The following CNTN1 variants were observed in gnomAD, a reference collection of about 807,000 sequenced individuals.
CNTN1 encodes contactin 1, also known as contactin-1.
In CNTN1, 38 loss-of-function variants were observed where a neutral mutation model predicts 126.4. That is an observed-to-expected ratio of 0.30 (90% CI 0.23 to 0.39). The LOEUF (loss-of-function observed/expected upper bound fraction) is 0.39, where lower values mean the gene tolerates loss of function less well. Ranked by LOEUF, CNTN1 falls within the 10% of genes least tolerant of loss-of-function variation. The probability of loss-of-function intolerance (pLI) is 1.00; values close to 1 mark genes in which losing one functional copy is unlikely to be tolerated. For synonymous variants in CNTN1, 413 were observed against 422.6 expected, an observed-to-expected ratio of 0.98 and a Z score of 0.28; for missense variants, 1,009 against 1,248.4, an observed-to-expected ratio of 0.81 and a Z score of 2.89.
Position 40,976,824 on chromosome 12 carries a change from C to T in CNTN1, c.1805-4085C>T, listed in dbSNP as rs529635226. On this transcript the variant is annotated intron_variant, in intron 15 of 23. Transcript: ENST00000551295. ...AAGTCCGACCGTCCACGTTTGTCTCCGTGCTCTATTTTTTGCCACAAACTG... is the reference window on the plus strand; with the variant it reads ...AAGTCCGACCGTCCACGTTTGTCTCTGTGCTCTATTTTTTGCCACAAACTG... Among the ~76,000 whole-genome samples, 336 of 152,208 alleles carry T rather than the reference C, an allele frequency of 2.2e-3. 1 individual carries two copies. Among genetic ancestry groups the T allele is most frequent in the African/African-American group, 6.1e-3 (255 of 41,528 alleles).
At chr12:40,782,708 G>A (rs528327723) in intron 1 of CNTN1, among the ~76,000 whole-genome samples, 1 of 151,862 alleles carries the variant, frequency 6.6e-6, no homozygotes, top group South Asian at 2.1e-4. Flanking sequence ...GATTTTTCCA[G>A]CTTCATAACT....
chr12:41,064,575 T>C (rs898680215), intron 23 of CNTN1, among the ~76,000 whole-genome samples: 1 of 152,214 alleles, frequency 6.6e-6, no homozygotes, highest in Non-Finnish European at 1.5e-5. Context: ...CAAACCGTGA[T>C]AAGCAGAGTC....
At chr12:40,966,047 T>C (rs1166290066) in intron 15 of CNTN1, among the ~76,000 whole-genome samples, 2 of 135,724 alleles carry the variant, frequency 1.5e-5, no homozygotes, top group African/African-American at 2.8e-5. Flanking sequence ...CACGCACGCA[T>C]TGGAAGAGAT....
chr12:40,764,890 G>A (rs1264277199), intron 1 of CNTN1, among the ~76,000 whole-genome samples: 1 of 152,078 alleles, frequency 6.6e-6, no homozygotes, highest in Admixed American at 6.5e-5. Context: ...AACATTTGGG[G>A]ATTTTCTAGT....
chr12:40,976,696 A>G (rs1947684433), intron 15 of CNTN1, among the ~76,000 whole-genome samples: 1 of 152,012 alleles, frequency 6.6e-6, no homozygotes, highest in African/African-American at 2.4e-5. Context: ...CTACCTCAAC[A>G]CTTTTCTGTC....
At chr12:41,023,518 GC>G (rs1382039425) in intron 20 of CNTN1, among the ~76,000 whole-genome samples, 1 of 152,190 alleles carries the variant, frequency 6.6e-6, no homozygotes, top group East Asian at 1.9e-4. Context: ...TTGGGCTCTT[GC>G]CCAGGAATCC....
At chr12:41,041,809 C>A (rs1203997198) in intron 23 of CNTN1, among the ~76,000 whole-genome samples, 1 of 151,870 alleles carries the variant, frequency 6.6e-6, no homozygotes. Context: ...TCTCTCTTTT[C>A]TTCTTTATTT....
At chr12:40,866,264 T>C (rs1197283550) in intron 1 of CNTN1, among the ~76,000 whole-genome samples, 1 of 152,096 alleles carries the variant, frequency 6.6e-6, no homozygotes, top group Non-Finnish European at 1.5e-5. Flanking sequence ...CCAATAAAAA[T>C]AGTTTTATTC....
chr12:40,972,248 G>A (rs1947537962), intron 15 of CNTN1: 1 of 985,030 alleles, frequency 1.0e-6, no homozygotes. Flanking sequence ...TCGTTTGGGT[G>A]GAAGGTTGTG....
At chr12:40,755,788 G>C (rs1938588570) in intron 1 of CNTN1, among the ~76,000 whole-genome samples, 1 of 151,998 alleles carries the variant, frequency 6.6e-6, no homozygotes, top group African/African-American at 2.4e-5. Context: ...TAAGGGGGAA[G>C]TTTTGATCTT....
chr12:40,784,087 C>G (rs931677814), intron 1 of CNTN1, among the ~76,000 whole-genome samples: 8 of 152,162 alleles, frequency 5.3e-5, no homozygotes, highest in Non-Finnish European at 7.4e-5. Context: ...TACAGAAGCC[C>G]AAAGGGTGCT....
At chr12:40,785,819 C>G (rs1303097692) in intron 1 of CNTN1, among the ~76,000 whole-genome samples, 1 of 152,102 alleles carries the variant, frequency 6.6e-6, no homozygotes, top group South Asian at 2.1e-4. Context: ...GTAGGATACT[C>G]TTTTAAACAA....
chr12:41,000,263 G>A (rs1160994668), intron 17 of CNTN1, among the ~76,000 whole-genome samples: 2 of 152,098 alleles, frequency 1.3e-5, no homozygotes, highest in African/African-American at 4.8e-5. Flanking sequence ...GGCAATATTT[G>A]ATTCAACAAA....
chr12:40,756,872 G>A (rs1022325898), intron 1 of CNTN1, among the ~76,000 whole-genome samples: 2 of 152,078 alleles, frequency 1.3e-5, no homozygotes, highest in Non-Finnish European at 2.9e-5. Flanking sequence ...CTCCTTCTTA[G>A]GGGATATATT....
At chr12:41,030,852 G>T (rs976482185) in intron 23 of CNTN1, among the ~76,000 whole-genome samples, 3 of 152,086 alleles carry the variant, frequency 2.0e-5, no homozygotes, top group Non-Finnish European at 4.4e-5. Context: ...GGGGAAAATA[G>T]AATTTTCTTA....
chr12:40,844,163 G>A (rs1942407489), intron 1 of CNTN1, among the ~76,000 whole-genome samples: 2 of 146,766 alleles, frequency 1.4e-5, no homozygotes, highest in South Asian at 2.2e-4. Flanking sequence ...CGCCTCCAGG[G>A]TTCAAGCGAT....
At chr12:40,943,813 G>A (rs553058311) in intron 13 of CNTN1, 89 bp downstream of exon 13, 2 of 1,519,048 alleles carry the variant, frequency 1.3e-6, no homozygotes, top group East Asian at 2.3e-5. Flanking sequence ...GTATTTGTAA[G>A]TTTCTTTTTC....
chr12:40,871,417 A>T (rs1302533240), intron 1 of CNTN1, among the ~76,000 whole-genome samples: 2 of 152,140 alleles, frequency 1.3e-5, no homozygotes, highest in East Asian at 3.9e-4. Flanking sequence ...TATAGAGAGT[A>T]GACTACAGGG....
intron 19 of CNTN1, among the ~76,000 whole-genome samples, chr12:41,018,642 A>G (rs1167364145): frequency 2.6e-5 from 4 of 150,986 alleles, no homozygotes; most frequent in Non-Finnish European, 5.9e-5. Context: ...AAAGTTATAT[A>G]TATACTTTTT....
Sources: gnomAD v4.1 joint callset for allele counts (sites outside exome capture counted in the v4.1 genomes callset) on GRCh38, gnomAD v4.1.1 for gene constraint, MANE v1.5 for transcripts, NCBI Gene and HGNC (gene_info 2026-07-23, HGNC 2026-07-21) for gene names.